Variants in MTR observed in about 807,000 individuals in gnomAD.
MTR encodes 5-methyltetrahydrofolate-homocysteine methyltransferase.
In MTR, 84 loss-of-function variants were observed where a neutral mutation model predicts 154.8. The observed-to-expected ratio is 0.54, with a 90% CI of 0.45 to 0.65. MTR has a LOEUF of 0.65. Among genes scored for constraint, MTR ranks in the 30% least tolerant of loss-of-function variants. The probability of loss-of-function intolerance (pLI) is 0.00; values close to 1 mark genes in which losing one functional copy is unlikely to be tolerated. For missense variants in MTR, 1,275 were observed against 1,570.2 expected, an observed-to-expected ratio of 0.81 and a Z score of 3.18; for synonymous variants, 554 against 553.9, an observed-to-expected ratio of 1.00 and a Z score of 0.00.
intron 8 of MTR, among the ~76,000 whole-genome samples, chr1:236,823,116 A>G (rs1662065393): frequency 6.6e-6 from 1 of 152,224 alleles, no homozygotes; most frequent in African/African-American, 2.4e-5. Context: ...GATAGTGCAG[A>G]GAATTTCTAT....
chr1:236,852,678 T>A (rs1453815341), intron 17 of MTR, 41 bp downstream of exon 17: 6 of 1,555,908 alleles, frequency 3.9e-6, no homozygotes. Context: ...AACCAGTTTT[T>A]AGTTGGGGCA....
intron 1 of MTR, 70 bp from the exon 2 acceptor site, chr1:236,803,358 C>G: frequency 7.0e-7 from 1 of 1,423,694 alleles, no homozygotes. Context: ...ATAAATTTCT[C>G]TAAAGCTCCT....
chr1:236,871,665 GA>G (rs939292256), intron 22 of MTR, among the ~76,000 whole-genome samples: 14 of 150,406 alleles, frequency 9.3e-5, no homozygotes, highest in African/African-American at 3.2e-4. Flanking sequence ...ATGTTAAAAA[GA>G]AAAAAAAAGC....
At chr1:236,865,682 G>T (rs1664783532) in intron 22 of MTR, among the ~76,000 whole-genome samples, 1 of 152,140 alleles carries the variant, frequency 6.6e-6, no homozygotes, top group Non-Finnish European at 1.5e-5. Context: ...TTGCAAATTT[G>T]AGGATTTGAA....
rs186441195 is a variant in MTR at position 236,861,187 on chromosome 1, C to T, written c.2106C>T (p.Pro702=). ...EEARLNQKKY[P]RPLNIIEGPL... Reference sequence around the variant, plus strand: ...CCAGGTTAAACCAAAAAAAATATCCCCGACCTCTCAATATAATTGAAGGAC... The same window carrying T: ...CCAGGTTAAACCAAAAAAAATATCCTCGACCTCTCAATATAATTGAAGGAC... The change falls in exon 20 of 33, where the codon CCC becomes CCT. Residue 702 remains proline (P), a synonymous_variant. Transcript: ENST00000366577. The T allele has an allele frequency of 1.4e-5, 23 of 1,612,830 alleles. No homozygotes were observed. The highest frequency in any genetic ancestry group is 1.8e-5 in the Non-Finnish European group (21 of 1,179,756).
At chr1:236,873,738 C>A (rs758697199) in intron 22 of MTR, 35 bp from the exon 23 acceptor site, 13 of 1,575,278 alleles carry the variant, frequency 8.3e-6, no homozygotes, top group Non-Finnish European at 1.1e-5. Flanking sequence ...AATGGGCTTT[C>A]ATTAATTTTC....
intron 2 of MTR, 41 bp downstream of exon 2, chr1:236,803,683 T>C (rs377480769): frequency 8.8e-6 from 14 of 1,583,404 alleles, no homozygotes; most frequent in Admixed American, 1.7e-5. Flanking sequence ...CATTCTGTTA[T>C]TCTGCAAGCT....
chr1:236,820,137 T>G (rs1661841393), intron 8 of MTR: 1 of 765,868 alleles, frequency 1.3e-6, no homozygotes, highest in East Asian at 2.4e-5. Flanking sequence ...ACAAGGGAGC[T>G]CACTCGGTGG....
intron 8 of MTR, chr1:236,820,294 A>G (rs61831811): frequency 0.39 from 290,358 of 751,466 alleles, 58,105 homozygotes; most frequent in East Asian, 0.46. Context: ...TACTGAAAAG[A>G]CTGTGACCAA....
At chr1:236,880,518 G>A (rs1259422151) in intron 24 of MTR, among the ~76,000 whole-genome samples, 2 of 152,232 alleles carry the variant, frequency 1.3e-5, no homozygotes, top group Admixed American at 1.3e-4. Context: ...TAACGGAGCT[G>A]AGGACAAGGT....
At position 236,874,731 on chromosome 1, in the gene MTR, A is replaced by G; in HGVS notation, c.2479A>G (p.Ile827Val). Residue 827 changes from isoleucine (I) to valine (V), a missense_variant, in exon 24 of 33, where the codon ATT becomes GTT. By Grantham distance (29) the Ile-to-Val change is conservative. Coordinates refer to ENST00000366577, the MANE Select transcript of MTR (RefSeq NM_000254.3). Reference protein sequence around the residue: ...KAALDHKADIIGLSGLITPSL... With the variant: ...KAALDHKADIVGLSGLITPSL... ...TTTAAAAAAAAAAAAAATAGATATA[A>G]TTGGCCTGTCAGGACTCATCACTCC... 6.3e-7 allele frequency: 1 copy of G among 1,591,422 alleles called. No homozygotes were observed. The highest frequency in any genetic ancestry group is 1.7e-5 in the Admixed American group (1 of 57,676).
chr1:236,815,584 C>A lies in MTR; in HGVS notation c.610-20C>A, dbSNP rs1661542304. ...ACACACTCTCAGAAATAAAGACGTT[C>A]TTTCTTTTTTCCCTGACAGGCAGCC... On this transcript the variant is annotated intron_variant, in intron 6 of 32. Coordinates refer to ENST00000366577, the MANE Select transcript of MTR (RefSeq NM_000254.3). The A allele has an allele frequency of 1.2e-6, 2 of 1,613,268 alleles. No individual in the cohort carries two copies. Among genetic ancestry groups the A allele is most frequent in the African/African-American group, 2.7e-5 (2 of 74,906 alleles).
At chr1:236,848,051 C>T (rs1231398476) in intron 15 of MTR, among the ~76,000 whole-genome samples, 2 of 152,188 alleles carry the variant, frequency 1.3e-5, no homozygotes, top group Non-Finnish European at 2.9e-5. Flanking sequence ...AATCAAGTGA[C>T]AGAGGTTGAG....
chr1:236,873,913 C>A, intron 23 of MTR, 73 bp downstream of exon 23: 1 of 1,418,412 alleles, frequency 7.1e-7, no homozygotes, highest in Non-Finnish European at 1.0e-6. Flanking sequence ...CCCTAGTTGT[C>A]TGTCAGTGAA....
rs754532874 is a variant in MTR at position 236,859,830 on chromosome 1, C to G, written c.1954-3C>G. ...CCATTTCTTGGTTTCAATTTCAATT[C>G]AGACTCAAGGCACAGGAGGGAAGAA... On this transcript the variant is annotated splice_region_variant and splice_polypyrimidine_tract_variant and intron_variant, in intron 18 of 32. Coordinates refer to ENST00000366577, the MANE Select transcript of MTR (RefSeq NM_000254.3). 5 of 1,612,948 alleles carry G rather than the reference C, an allele frequency of 3.1e-6. No homozygotes were observed. The highest frequency in any genetic ancestry group is 4.2e-6 in the Non-Finnish European group (5 of 1,179,000).
chr1:236,852,711 C>T (rs1663980339), intron 17 of MTR, 74 bp downstream of exon 17: 8 of 1,353,428 alleles, frequency 5.9e-6, no homozygotes, highest in Middle Eastern at 3.9e-4. Flanking sequence ...GTGTGGCATG[C>T]AGGCTAAGTC....
intron 21 of MTR, among the ~76,000 whole-genome samples, chr1:236,863,206 TG>T (rs1664647421): frequency 6.6e-6 from 1 of 152,262 alleles, no homozygotes; most frequent in Admixed American, 6.5e-5. Context: ...GCTGTGGTGC[TG>T]TTTTGTGTGT....
chr1:236,885,800 G>A (rs1665979710), intron 26 of MTR, among the ~76,000 whole-genome samples: 1 of 152,192 alleles, frequency 6.6e-6, no homozygotes. Context: ...CATTTTGGGA[G>A]TTGCTAGGCA....
In MTR at chr1:236,880,673, T is replaced by G. The variant is rs1665681046; in HGVS notation, c.2595-82T>G. The G allele has an allele frequency of 1.7e-5, 19 of 1,116,270 alleles. No homozygotes were observed. The Admixed American group carries it at 3.1e-4, about 18-fold the overall frequency. The allele number at this position is 1,116,270 out of a possible 1,614,324, so 69.1% of individuals were successfully genotyped here. On this transcript the variant is annotated intron_variant, in intron 24 of 32. Transcript: ENST00000366577. ...TCTGGAAAGCACTGTAGAAATACAT[T>G]ATCTCTAATGGCGCTGAACAAGAGT... is the stretch of plus-strand genomic sequence containing the variant.
Sources: gnomAD v4.1 joint callset for allele counts (sites outside exome capture counted in the v4.1 genomes callset) on GRCh38, gnomAD v4.1.1 for gene constraint, MANE v1.5 for transcripts, NCBI Gene and HGNC (gene_info 2026-07-23, HGNC 2026-07-21) for gene names.